The following VPS26B variants were observed in gnomAD, a reference collection of about 807,000 sequenced individuals.
VPS26B encodes VPS26 retromer complex component B.
A neutral mutation model predicts 33.3 loss-of-function variants in VPS26B; 10 were observed. The observed-to-expected ratio is 0.30, with a 90% CI of 0.19 to 0.51. VPS26B has a LOEUF of 0.51. Ranked by LOEUF, VPS26B falls within the 20% of genes least tolerant of loss-of-function variation. The pLI, the probability that VPS26B is intolerant of heterozygous loss-of-function variation, is 0.98. For synonymous variants in VPS26B, 190 were observed against 176.9 expected (o/e 1.07, Z -0.59); for missense variants, 317 against 452.7 (o/e 0.70, Z 2.72).
rs1938791416 is a variant in VPS26B, at chr11:134,245,212, T to G, written c.864+132T>G. The G allele has an allele frequency of 5.8e-6, 8 of 1,386,074 alleles. No individual in the cohort carries two copies. Among genetic ancestry groups the G allele is most frequent in the Non-Finnish European group, 7.7e-6 (8 of 1,038,614 alleles). The allele number at this position is 1,386,074 out of a possible 1,614,324, so 85.9% of individuals were successfully genotyped here. A position where few individuals can be genotyped will look rare whatever the true frequency, so the allele number is the denominator to read the frequency against. On this transcript the variant is annotated intron_variant, in intron 5 of 5. Coordinates refer to ENST00000281187, the MANE Select transcript of VPS26B (RefSeq NM_052875.5). The surrounding 1 kb of genome is among the most constrained non-coding windows in gnomAD (Gnocchi z 4.7). ...GTCGCCCACAATTGCACAACAAGAA[T>G]GAGGATTCTCACCTGGCCTTAGAGT... is the stretch of plus-strand genomic sequence containing the variant.
rs117101984 is a variant in VPS26B at position 134,234,882 on chromosome 11, G to T, written c.224-15G>T. ...GTCTGATAAAGGAGGGCGTCGCATC[G>T]CTGTCTCTCACCAGAACTCTACTAC... On this transcript the variant is annotated splice_polypyrimidine_tract_variant and intron_variant, in intron 1 of 5. Coordinates refer to ENST00000281187, the MANE Select transcript of VPS26B (RefSeq NM_052875.5). 20 of 1,611,348 alleles carry T rather than the reference G, an allele frequency of 1.2e-5. No individual in the cohort carries two copies. The highest frequency in any genetic ancestry group is 1.7e-5 in the Non-Finnish European group (20 of 1,178,208).
Position 134,244,358 on chromosome 11 carries a change from C to T in VPS26B, c.722-580C>T, listed in dbSNP as rs1938778413. The stretch of plus-strand genomic sequence containing the variant: ...GTCTGATGTTAGAGCTGGAAGGGAT[C>T]TGTAGTATCACGCAGTCCGATTCTC... On this transcript the variant is annotated intron_variant, in intron 4 of 5. Coordinates refer to ENST00000281187, the MANE Select transcript of VPS26B (RefSeq NM_052875.5). This position sits in a 1 kb window ranked among gnomAD's most constrained non-coding sequence, Gnocchi z 4.0. The T allele has an allele frequency of 6.6e-6, 1 of 152,352 alleles. No individual in the cohort carries two copies. 9.4% of individuals were successfully genotyped at this position (152,352 alleles called of 1,614,324 possible).
rs1938428089 is a variant in VPS26B at position 134,225,274 on chromosome 11, G to A, written c.152G>A (p.Ser51Asn). The A allele has an allele frequency of 3.7e-6, 6 of 1,614,120 alleles. No individual in the cohort carries two copies. In the East Asian group the frequency reaches 6.7e-5, roughly 18 times the overall value. Residue 51 changes from serine (S) to asparagine (N), a missense_variant, in exon 1 of 6, where the codon AGC (serine) becomes AAC (asparagine). Transcript: ENST00000281187. ...GGGGAGACGGTCTCCGGGAAGGTGA[G>A]CCTTGCCCTCAAGAACCCCAACAAG... is the stretch of plus-strand genomic sequence containing the variant. ...YDGETVSGKV[S>N]LALKNPNKRL... is the part of the protein sequence containing the mutation.
rs1555057961 is a variant in VPS26B, at chr11:134,245,504, A to G, written c.925A>G (p.Ile309Val). ...GAAGAGCATGTCCCACCAGGCGGCC[A>G]TCGCCTCACAGCGCTTTGAGGGCAC... ...VRKSMSHQAAIASQRFEGTTS... is the reference protein window; with the variant it reads ...VRKSMSHQAAVASQRFEGTTS... Residue 309 changes from isoleucine to valine, a missense_variant, in exon 6 of 6, where the codon ATC becomes GTC. Ile to Val is a conservative substitution (Grantham distance 29). Coordinates refer to ENST00000281187, the MANE Select transcript of VPS26B (RefSeq NM_052875.5). The surrounding 1 kb of genome is among the most constrained non-coding windows in gnomAD (Gnocchi z 4.7). The G allele has an allele frequency of 6.2e-7, 1 of 1,613,990 alleles. No homozygotes were observed. The highest frequency in any genetic ancestry group is 8.5e-7 in the Non-Finnish European group (1 of 1,179,956).
intron 1 of VPS26B, among the ~76,000 whole-genome samples, chr11:134,229,187 A>G (rs1351249030): frequency 6.6e-6 from 1 of 152,052 alleles, no homozygotes; most frequent in East Asian, 1.9e-4. Flanking sequence ...ATGCCACCAT[A>G]CCCAGCTAAT....
intron 2 of VPS26B, among the ~76,000 whole-genome samples, chr11:134,236,903 G>A (rs1268004975): frequency 1.3e-5 from 2 of 152,186 alleles, no homozygotes; most frequent in South Asian, 2.1e-4. Flanking sequence ...TGCACAATAC[G>A]AATATCATTA....
At chr11:134,228,946 A>C (rs1017527776) in intron 1 of VPS26B, among the ~76,000 whole-genome samples, 1 of 152,140 alleles carries the variant, frequency 6.6e-6, no homozygotes, top group Non-Finnish European at 1.5e-5. Flanking sequence ...GTTAATTTGG[A>C]GGCAGGCAGG....
intron 1 of VPS26B, among the ~76,000 whole-genome samples, chr11:134,234,282 T>G (rs1229763034): frequency 6.6e-6 from 1 of 152,244 alleles, no homozygotes; most frequent in Non-Finnish European, 1.5e-5. Flanking sequence ...TCTAAGTCTT[T>G]TACCTACATC....
Position 134,245,566 on chromosome 11 carries a change from G to A in VPS26B, c.987G>A (p.Leu329=). The A allele has an allele frequency of 1.2e-6, 2 of 1,612,148 alleles. No individual in the cohort carries two copies. Among genetic ancestry groups the A allele is most frequent in the Non-Finnish European group, 1.7e-6 (2 of 1,179,812 alleles). The change falls in exon 6 of 6, where the codon CTG becomes CTA. Residue 329 remains leucine (L), a synonymous_variant. Transcript: ENST00000281187. This position sits in a 1 kb window ranked among gnomAD's most constrained non-coding sequence, Gnocchi z 4.7. ...GTGAGGTGCGGACCCCCAGCCAGCTGTCTGACAACAACTGCAGGCAGTAGG... is the reference window on the plus strand; with the variant it reads ...GTGAGGTGCGGACCCCCAGCCAGCTATCTGACAACAACTGCAGGCAGTAGG... ...SLGEVRTPSQ[L]SDNNCRQ is the part of the protein sequence containing the mutation.
rs142087004 is a variant in VPS26B at position 134,245,189 on chromosome 11, C to T, written c.864+109C>T. On this transcript the variant is annotated intron_variant, in intron 5 of 5. Transcript: ENST00000281187. This position sits in a 1 kb window ranked among gnomAD's most constrained non-coding sequence, Gnocchi z 4.7. Reference sequence around the variant, plus strand: ...TTGCCAAGAGGTGGGAACATTAGGTCGCCCACAATTGCACAACAAGAATGA... The same window carrying T: ...TTGCCAAGAGGTGGGAACATTAGGTTGCCCACAATTGCACAACAAGAATGA... 492 of 1,452,922 alleles carry T rather than the reference C, an allele frequency of 3.4e-4. 2 individuals carry two copies. In the African/African-American group the frequency reaches 6.0e-3, roughly 18 times the overall value. The allele number at this position is 1,452,922 out of a possible 1,614,324, so 90.0% of individuals were successfully genotyped here.
chr11:134,236,158 ATT>A (rs1289203099), intron 2 of VPS26B, among the ~76,000 whole-genome samples: 5 of 149,144 alleles, frequency 3.4e-5, no homozygotes, highest in African/African-American at 1.3e-4. Flanking sequence ...AAAAAAAAAA[ATT>A]TTTTTAATTT....
chr11:134,241,395 G>A (rs1000236606), intron 3 of VPS26B, among the ~76,000 whole-genome samples: 3 of 152,214 alleles, frequency 2.0e-5, no homozygotes, highest in Non-Finnish European at 4.4e-5. Flanking sequence ...CTGGAACCTA[G>A]AGGGCCCCAG....
At chr11:134,233,997 G>A (rs912479491) in intron 1 of VPS26B, among the ~76,000 whole-genome samples, 1 of 152,170 alleles carries the variant, frequency 6.6e-6, no homozygotes, top group African/African-American at 2.4e-5. Context: ...GTGGAAGTGT[G>A]GTAGCAGCCG....
Position 134,240,002 on chromosome 11 carries a change from G to A in VPS26B, c.392G>A (p.Arg131His), listed in dbSNP as rs1477409536. The A allele has an allele frequency of 7.4e-6, 12 of 1,613,930 alleles. No homozygotes were observed. The highest frequency in any genetic ancestry group is 1.3e-5 in the African/African-American group (1 of 74,872). ...GQNVKLRYFL[R>H]ATISRRLNDV... ...TCCGTCTCCTACAGCTATTTCCTTC[G>A]TGCTACCATCAGCCGCCGCCTCAAT... The change falls in exon 3 of 6, where the codon CGT becomes CAT. Residue 131 changes from arginine to histidine, a missense_variant. Arg to His is a conservative substitution (Grantham distance 29, BLOSUM62 0). Coordinates refer to ENST00000281187, the MANE Select transcript of VPS26B (RefSeq NM_052875.5). The surrounding 1 kb of genome is among the most constrained non-coding windows in gnomAD (Gnocchi z 4.4).
Position 134,245,107 on chromosome 11 carries a change from G to A in VPS26B, c.864+27G>A, listed in dbSNP as rs776300943. The A allele has an allele frequency of 1.8e-5, 29 of 1,612,198 alleles. 1 individual carries two copies. Among genetic ancestry groups the A allele is most frequent in the South Asian group, 1.5e-4 (14 of 90,946 alleles). On this transcript the variant is annotated intron_variant, in intron 5 of 5. Transcript: ENST00000281187. This position sits in a 1 kb window ranked among gnomAD's most constrained non-coding sequence, Gnocchi z 4.7. ...TGAGGGCCAGGCTCCTCCAGGCCCC[G>A]ATGCCCTTGGGACAGAACAGGAGGC...
Position 134,244,950 on chromosome 11 carries a change from C to G in VPS26B, c.734C>G (p.Pro245Arg). 6.2e-7 allele frequency: 1 copy of G among 1,613,464 alleles called. No homozygotes were observed. The highest frequency in any genetic ancestry group is 8.5e-7 in the Non-Finnish European group (1 of 1,179,998). ...DGAPVRGESI[P>R]IRLFLAGYEL... The stretch of plus-strand genomic sequence containing the variant: ...CCTCCCCCTACAGGAGAGTCCATCC[C>G]GATCCGGCTCTTCCTGGCCGGGTAT... Residue 245 changes from proline (P) to arginine (R), a missense_variant, in exon 5 of 6, where the codon CCG becomes CGG. Physicochemically the swap from Pro to Arg is moderately radical, Grantham distance 103 (BLOSUM62 -2). Coordinates refer to ENST00000281187, the MANE Select transcript of VPS26B (RefSeq NM_052875.5). This position sits in a 1 kb window ranked among gnomAD's most constrained non-coding sequence, Gnocchi z 4.0.
intron 1 of VPS26B, 114 bp downstream of exon 1, chr11:134,225,459 T>G: frequency 4.8e-6 from 5 of 1,039,814 alleles, no homozygotes; most frequent in Non-Finnish European, 7.2e-6. Flanking sequence ...TCAACTGCAG[T>G]CTGAGGCCTG....
chr11:134,228,598 G>C (rs1938512752), intron 1 of VPS26B, among the ~76,000 whole-genome samples: 1 of 152,246 alleles, frequency 6.6e-6, no homozygotes, highest in Non-Finnish European at 1.5e-5. Flanking sequence ...TTGACAGGGA[G>C]TGAAGATGTA....
At chr11:134,235,086 C>G in intron 2 of VPS26B, 33 bp downstream of exon 2, 1 of 1,599,008 alleles carries the variant, frequency 6.3e-7, no homozygotes, top group Non-Finnish European at 8.5e-7. Flanking sequence ...CCACTGTACC[C>G]TAGAACCTGC....
Sources: allele counts gnomAD v4.1 joint callset (sites outside exome capture counted in the v4.1 genomes callset), GRCh38; gene constraint gnomAD v4.1.1; non-coding constraint Gnocchi (gnomAD v3.1); transcripts MANE v1.5; gene names NCBI Gene and HGNC (gene_info 2026-07-23, HGNC 2026-07-21).